Variants in CTSO observed in about 807,000 individuals in gnomAD.
The protein encoded by CTSO is cathepsin O.
In CTSO, 40 loss-of-function variants were observed where a neutral mutation model predicts 42.4. The ratio of observed to expected loss-of-function variants is 0.94; its 90% CI spans 0.73 to 1.23. The LOEUF is 1.23. CTSO is among the 50% of genes most tolerant of loss of function. The pLI is 0.00. For synonymous variants in CTSO, 156 were observed against 146.2 expected, an observed-to-expected ratio of 1.07 and a Z score of -0.48; for missense variants, 441 against 396.0, an observed-to-expected ratio of 1.11 and a Z score of -0.96.
intron 5 of CTSO, among the ~76,000 whole-genome samples, chr4:155,933,024 C>A (rs1199800253): frequency 6.6e-6 from 1 of 152,060 alleles, no homozygotes; most frequent in East Asian, 1.9e-4. Context: ...TCTATACATA[C>A]CCCTCATCTC....
chr4:155,947,083 A>G (rs1221336902), intron 1 of CTSO, among the ~76,000 whole-genome samples: 1 of 152,062 alleles, frequency 6.6e-6, no homozygotes, highest in Non-Finnish European at 1.5e-5. Context: ...GATGGTCTCA[A>G]TCTCCTGACC....
intron 1 of CTSO, among the ~76,000 whole-genome samples, chr4:155,953,323 T>G (rs1290543801): frequency 6.6e-6 from 1 of 152,116 alleles, no homozygotes; most frequent in East Asian, 1.9e-4. Context: ...GCTCCCTGTT[T>G]CTGGTTCTCA....
At chr4:155,929,004 C>T (rs372655058) in intron 6 of CTSO, among the ~76,000 whole-genome samples, 67 of 152,236 alleles carry the variant, frequency 4.4e-4, no homozygotes, top group South Asian at 2.9e-3. Context: ...GTGGGTTTAC[C>T]GGAATTAGGG....
At chr4:155,951,191 C>T (rs185075971) in intron 1 of CTSO, among the ~76,000 whole-genome samples, 1 of 152,202 alleles carries the variant, frequency 6.6e-6, no homozygotes, top group East Asian at 1.9e-4. Flanking sequence ...ATCACATGTA[C>T]TTTGGCATAG....
At chr4:155,935,361 G>A (rs1743311693) in intron 5 of CTSO, among the ~76,000 whole-genome samples, 1 of 151,976 alleles carries the variant, frequency 6.6e-6, no homozygotes, top group South Asian at 2.1e-4. Flanking sequence ...TCTCCTACTA[G>A]TCTTGTCTTT....
intron 2 of CTSO, among the ~76,000 whole-genome samples, chr4:155,942,786 T>C (rs978132128): frequency 1.3e-5 from 2 of 152,036 alleles, no homozygotes; most frequent in African/African-American, 2.4e-5. Context: ...AAATGATTTG[T>C]TTGATAGAAC....
At chr4:155,939,643 G>T in intron 3 of CTSO, 105 bp from the exon 4 acceptor site, 1 of 1,018,862 alleles carries the variant, frequency 9.8e-7, no homozygotes, top group Non-Finnish European at 1.4e-6. Flanking sequence ...TCCAGATTCT[G>T]GAAACCTACA....
intron 1 of CTSO, among the ~76,000 whole-genome samples, chr4:155,945,707 C>G (rs537104468): frequency 6.6e-6 from 1 of 152,280 alleles, no homozygotes; most frequent in Admixed American, 6.5e-5. Context: ...TAAAATAGAA[C>G]TACATACCAG....
intron 5 of CTSO, among the ~76,000 whole-genome samples, chr4:155,930,538 A>C (rs1202652715): frequency 6.6e-6 from 1 of 152,196 alleles, no homozygotes; most frequent in Non-Finnish European, 1.5e-5. Flanking sequence ...TACACTTTTC[A>C]AAGGTCAGCT....
At chr4:155,929,815 G>C in intron 5 of CTSO, 110 bp from the exon 6 acceptor site, 1 of 1,011,530 alleles carries the variant, frequency 9.9e-7, no homozygotes, top group South Asian at 1.8e-5. Flanking sequence ...CAGTTACAAA[G>C]GACCTAAACA....
chr4:155,936,867 G>T (rs571745504), intron 5 of CTSO, among the ~76,000 whole-genome samples: 1 of 152,204 alleles, frequency 6.6e-6, no homozygotes, highest in East Asian at 1.9e-4. Flanking sequence ...TCAAATGGCT[G>T]ATGTCTTGAA....
intron 5 of CTSO, among the ~76,000 whole-genome samples, chr4:155,930,378 G>A (rs1322692800): frequency 6.6e-6 from 1 of 152,196 alleles, no homozygotes; most frequent in African/African-American, 2.4e-5. Context: ...TTTAAAAAGA[G>A]AAGAAATGTT....
chr4:155,951,858 C>T (rs749925017), intron 1 of CTSO, among the ~76,000 whole-genome samples: 2 of 152,184 alleles, frequency 1.3e-5, no homozygotes, highest in Non-Finnish European at 2.9e-5. Context: ...TCCTGATGAT[C>T]TTAGATGAAA....
At chr4:155,932,482 C>A (rs1241442345) in intron 5 of CTSO, among the ~76,000 whole-genome samples, 1 of 152,162 alleles carries the variant, frequency 6.6e-6, no homozygotes, top group Non-Finnish European at 1.5e-5. Context: ...CTTCACACAT[C>A]CTAAGGCTGT....
At chr4:155,937,894 G>A (rs1397050906) in intron 4 of CTSO, among the ~76,000 whole-genome samples, 1 of 152,172 alleles carries the variant, frequency 6.6e-6, no homozygotes, top group African/African-American at 2.4e-5. Flanking sequence ...GGGATTACAG[G>A]TGTGAGGCAT....
chr4:155,944,585 G>C (rs889232853), intron 1 of CTSO, among the ~76,000 whole-genome samples: 3 of 152,168 alleles, frequency 2.0e-5, no homozygotes, highest in Admixed American at 6.5e-5. Context: ...ATGCACAGGA[G>C]AGAATGTGGC....
chr4:155,938,378 G>A (rs1743368647), intron 4 of CTSO, among the ~76,000 whole-genome samples: 1 of 152,188 alleles, frequency 6.6e-6, no homozygotes, highest in Non-Finnish European at 1.5e-5. Flanking sequence ...ATGGATAATG[G>A]AAGAGAATTC....
At chr4:155,940,778 G>T (rs965859923) in intron 3 of CTSO, among the ~76,000 whole-genome samples, 3 of 151,994 alleles carry the variant, frequency 2.0e-5, no homozygotes. Context: ...GGGAGGTGGA[G>T]GTTGCAGTGA....
Position 155,942,464 on chromosome 4 carries a change from G to A in CTSO, c.245-8C>T, listed in dbSNP as rs1743458451. The A allele has an allele frequency of 6.8e-7, 1 of 1,474,470 alleles. No individual in the cohort carries two copies. Among genetic ancestry groups the A allele is most frequent in the Non-Finnish European group, 9.0e-7 (1 of 1,108,570 alleles). The allele number at this position is 1,474,470 out of a possible 1,614,324, so 91.3% of individuals were successfully genotyped here. ...TGCTTCTTAAATAAATGGCTGAGTA[G>A]AAACATAAAATGAAAATACAACCAA... On this transcript the variant is annotated splice_polypyrimidine_tract_variant and splice_region_variant and intron_variant, in intron 2 of 7. Transcript: ENST00000433477.
Sources: allele counts gnomAD v4.1 joint callset (sites outside exome capture counted in the v4.1 genomes callset), GRCh38; gene constraint gnomAD v4.1.1; transcripts MANE v1.5; gene names NCBI Gene and HGNC (gene_info 2026-07-23, HGNC 2026-07-21).